COBL: variants seen among roughly 807,000 people sequenced by gnomAD.
The protein encoded by COBL is cordon-bleu WH2 repeat protein.
In COBL, 51 loss-of-function variants were observed where a neutral mutation model predicts 98.8. The ratio of observed to expected loss-of-function variants is 0.52; its 90% CI spans 0.41 to 0.65. COBL has a LOEUF of 0.65. Ranked by LOEUF, COBL falls within the 30% of genes least tolerant of loss-of-function variation. The pLI, the probability that COBL is intolerant of heterozygous loss-of-function variation, is 0.00. For missense variants in COBL, 1,617 were observed against 1,617.5 expected, an observed-to-expected ratio of 1.00 and a Z score of 0.01; for synonymous variants, 634 against 651.7, an observed-to-expected ratio of 0.97 and a Z score of 0.41.
At chr7:51,155,445 C>T (rs1786023474) in intron 5 of COBL, among the ~76,000 whole-genome samples, 1 of 151,822 alleles carries the variant, frequency 6.6e-6, no homozygotes. Flanking sequence ...AAAAAATTAG[C>T]TGGGCATGGT....
intron 5 of COBL, among the ~76,000 whole-genome samples, chr7:51,160,234 A>AT (rs1349545790): frequency 1.3e-5 from 2 of 152,106 alleles, no homozygotes; most frequent in African/African-American, 2.4e-5. Context: ...CCTTAGAATG[A>AT]TTTTTCTAGA....
chr7:51,053,642 C>T (rs1202619092), intron 7 of COBL, among the ~76,000 whole-genome samples: 2 of 152,214 alleles, frequency 1.3e-5, no homozygotes, highest in Non-Finnish European at 2.9e-5. Flanking sequence ...TCCGGGTGTG[C>T]TGTAATGCCA....
chr7:51,237,685 TGCCTTGGGCCATG>T (rs1198783040), intron 1 of COBL, among the ~76,000 whole-genome samples: 2 of 152,158 alleles, frequency 1.3e-5, no homozygotes, highest in Admixed American at 6.5e-5. Context: ...CATGCTAGGG[TGCCTTGGGCCATG>T]TCATGGTCCG....
At chr7:51,142,666 G>A (rs1799882264) in intron 5 of COBL, among the ~76,000 whole-genome samples, 1 of 152,162 alleles carries the variant, frequency 6.6e-6, no homozygotes, top group Admixed American at 6.5e-5. Context: ...TTGCAGGCAT[G>A]AGCTACAGCG....
chr7:51,222,748 GAA>G (rs926767308), intron 1 of COBL, among the ~76,000 whole-genome samples: 1 of 152,036 alleles, frequency 6.6e-6, no homozygotes, highest in African/African-American at 2.4e-5. Context: ...TCATTTTTAG[GAA>G]AAGAGTATCT....
At chr7:51,183,971 CT>C (rs1487785137) in intron 5 of COBL, 130 bp downstream of exon 5, 6 of 494,554 alleles carry the variant, frequency 1.2e-5, no homozygotes, top group Middle Eastern at 1.1e-3. Context: ...AATAAGCTCT[CT>C]TTTACCTGAA....
chr7:51,159,315 G>C (rs1433164176), intron 5 of COBL, among the ~76,000 whole-genome samples: 1 of 152,198 alleles, frequency 6.6e-6, no homozygotes, highest in Non-Finnish European at 1.5e-5. Flanking sequence ...GATGTATCTT[G>C]AAGGCGACAG....
chr7:51,029,208 T>C lies in COBL; in HGVS notation c.1888A>G (p.Arg630Gly), dbSNP rs1174142319. 6 of 1,614,030 alleles carry C rather than the reference T, an allele frequency of 3.7e-6. No individual in the cohort carries two copies. The highest frequency in any genetic ancestry group is 5.1e-6 in the Non-Finnish European group (6 of 1,180,020). The part of the protein sequence containing the change: ...KDGNLMETAP[R>G]VTSFASNLHT... ...AGATTCGAAGCAAAAGAAGTCACCCTGGGCGCCGTTTCCATTAGATTCCCA... is the reference window on the plus strand; with the variant it reads ...AGATTCGAAGCAAAAGAAGTCACCCCGGGCGCCGTTTCCATTAGATTCCCA... Residue 630 changes from arginine (R) to glycine (G), a missense_variant, in exon 10 of 13, where the codon AGG (arginine) becomes GGG (glycine). Physicochemically the swap from Arg to Gly is moderately radical, Grantham distance 125. Coordinates refer to ENST00000265136, the MANE Select transcript of COBL (RefSeq NM_015198.5).
chr7:51,072,966 T>C (rs1792715678), intron 7 of COBL: 1 of 164,774 alleles, frequency 6.1e-6, no homozygotes, highest in African/African-American at 2.4e-5. Context: ...ACTGGTCAAT[T>C]TATGGATACA....
intron 7 of COBL, among the ~76,000 whole-genome samples, chr7:51,066,251 C>T (rs1481066340): frequency 6.6e-6 from 1 of 152,134 alleles, no homozygotes. Context: ...TTTGTGCAGC[C>T]CCATACTTGT....
intron 5 of COBL, among the ~76,000 whole-genome samples, chr7:51,152,016 T>C (rs1209266549): frequency 6.6e-6 from 1 of 152,244 alleles, no homozygotes; most frequent in Non-Finnish European, 1.5e-5. Context: ...ACAAATCATA[T>C]GATCTCAGGA....
rs747012072 is a variant in COBL, at chr7:51,264,525, GCCGGTCTTGGTGGTGCACACCTGTAAT to G, written c.42-44608_42-44582del. 7.9e-5 allele frequency among the ~76,000 whole-genome samples: 12 copies of G among 151,868 alleles called. No homozygotes were observed. In the East Asian group the frequency reaches 2.1e-3, roughly 27 times the overall value. ...GTCTCTACTAAAAATACAAAAATTA[GCCGGTCTTGGTGGTGCACACCTGTAAT>G]CCCAGCTACTCGGGAGGCTGAGGAA... On this transcript the variant is annotated intron_variant, in intron 1 of 12. Transcript: ENST00000265136.
At chr7:51,214,615 T>C (rs1033290882) in intron 2 of COBL, among the ~76,000 whole-genome samples, 5 of 152,220 alleles carry the variant, frequency 3.3e-5, no homozygotes, top group African/African-American at 1.2e-4. Flanking sequence ...GCAAGTTAGT[T>C]GTTTTCTATG....
intron 1 of COBL, among the ~76,000 whole-genome samples, chr7:51,314,093 T>A (rs12154662): frequency 0.14 from 20,649 of 152,232 alleles, 1,712 homozygotes; most frequent in East Asian, 0.3. Context: ...TAACTACCTG[T>A]TAATAATTTA....
At chr7:51,082,539 A>G (rs1239107303) in intron 7 of COBL, among the ~76,000 whole-genome samples, 1 of 152,228 alleles carries the variant, frequency 6.6e-6, no homozygotes, top group Non-Finnish European at 1.5e-5. Context: ...AGTACACTCA[A>G]AGTGAGCTGC....
intron 1 of COBL, among the ~76,000 whole-genome samples, chr7:51,282,666 G>A (rs1336000395): frequency 1.3e-5 from 2 of 151,880 alleles, no homozygotes; most frequent in African/African-American, 2.4e-5. Context: ...CAGGAATATA[G>A]AAGAACTCAC....
intron 6 of COBL, among the ~76,000 whole-genome samples, chr7:51,103,951 C>T (rs1228378085): frequency 6.6e-6 from 1 of 152,260 alleles, no homozygotes; most frequent in African/African-American, 2.4e-5. Flanking sequence ...GGCCACTTTG[C>T]AGCGCCTGCC....
intron 5 of COBL, among the ~76,000 whole-genome samples, chr7:51,165,268 T>C (rs959469415): frequency 8.6e-5 from 13 of 151,806 alleles, no homozygotes; most frequent in Admixed American, 8.5e-4. Flanking sequence ...AATAAAGGGA[T>C]GGAAAAAGAT....
intron 5 of COBL, among the ~76,000 whole-genome samples, chr7:51,140,797 T>C (rs1262840326): frequency 1.3e-5 from 2 of 152,132 alleles, no homozygotes; most frequent in Non-Finnish European, 2.9e-5. Context: ...GGCTCACAGG[T>C]ACCGCAGAGA....
Sources: allele counts gnomAD v4.1 joint callset (sites outside exome capture counted in the v4.1 genomes callset), GRCh38; gene constraint gnomAD v4.1.1; transcripts MANE v1.5; gene names NCBI Gene and HGNC (gene_info 2026-07-23, HGNC 2026-07-21).